Variants in PCMT1 observed in about 807,000 individuals in gnomAD.
The protein encoded by PCMT1 is protein-L-isoaspartate(D-aspartate) O-methyltransferase.
A neutral mutation model predicts 29.2 loss-of-function variants in PCMT1; 9 were observed. The observed-to-expected ratio is 0.31, with a 90% CI of 0.19 to 0.54. The LOEUF is 0.54. Ranked by LOEUF, PCMT1 falls within the 20% of genes least tolerant of loss-of-function variation. The pLI, the probability that PCMT1 is intolerant of heterozygous loss-of-function variation, is 0.95. For missense variants in PCMT1, 184 were observed against 282.2 expected (o/e 0.65, Z 2.49); for synonymous variants, 98 against 97.5 (o/e 1.00, Z -0.03).
At chr6:149,780,067 A>G (rs1337515304) in intron 3 of PCMT1, among the ~76,000 whole-genome samples, 2 of 151,418 alleles carry the variant, frequency 1.3e-5, no homozygotes, top group Non-Finnish European at 1.5e-5. Context: ...GGCTAGGTAC[A>G]GTACCTTGAG....
chr6:149,791,906 G>A (rs1416029313), intron 4 of PCMT1, among the ~76,000 whole-genome samples: 1 of 152,166 alleles, frequency 6.6e-6, no homozygotes, highest in Non-Finnish European at 1.5e-5. Flanking sequence ...TTTACCATGT[G>A]TGAAAGTACT....
chr6:149,789,816 C>G, intron 3 of PCMT1, 138 bp from the exon 4 acceptor site: 1 of 486,492 alleles, frequency 2.1e-6, no homozygotes, highest in South Asian at 4.1e-5. Flanking sequence ...TAAGTAATAC[C>G]TGGGCAGATA....
At chr6:149,758,273 C>T (rs898795983) in intron 1 of PCMT1, among the ~76,000 whole-genome samples, 1 of 144,064 alleles carries the variant, frequency 6.9e-6, no homozygotes, top group African/African-American at 2.6e-5. Context: ...TGCAGTGGCG[C>T]AACCTCAGCT....
intron 3 of PCMT1, among the ~76,000 whole-genome samples, chr6:149,784,381 C>T (rs2115288111): frequency 6.6e-6 from 1 of 152,114 alleles, no homozygotes; most frequent in South Asian, 2.1e-4. Context: ...AGTTCCAGTA[C>T]CATATATACA....
At chr6:149,808,250 A>G (rs1776067160) in intron 7 of PCMT1, among the ~76,000 whole-genome samples, 1 of 152,100 alleles carries the variant, frequency 6.6e-6, no homozygotes, top group African/African-American at 2.4e-5. Flanking sequence ...TATATTTAGC[A>G]TAGTATATAG....
chr6:149,766,132 C>T (rs1466526872), intron 1 of PCMT1, among the ~76,000 whole-genome samples: 1 of 152,050 alleles, frequency 6.6e-6, no homozygotes, highest in Non-Finnish European at 1.5e-5. Context: ...TTTGTCAGAA[C>T]ATGTAACATT....
At chr6:149,786,806 A>C (rs867975242) in intron 3 of PCMT1, among the ~76,000 whole-genome samples, 1 of 117,124 alleles carries the variant, frequency 8.5e-6, no homozygotes, top group African/African-American at 3.4e-5. Flanking sequence ...TGGTGGCCGG[A>C]AAGAGGCGCT....
intron 1 of PCMT1, chr6:149,750,190 G>A (rs1786246879): frequency 1.6e-6 from 1 of 609,750 alleles, no homozygotes; most frequent in Middle Eastern, 4.5e-4. Context: ...GCCGCTGCTG[G>A]TGGGGGCAGG....
rs145629596 is a variant in PCMT1, at chr6:149,808,798, G to A, written c.*38-1818G>A. Among the ~76,000 whole-genome samples the A allele has an allele frequency of 4.2e-3, 641 of 151,694 alleles. 3 individuals are homozygous for A. Among genetic ancestry groups the A allele is most frequent in the African/African-American group, 0.015 (607 of 41,434 alleles). On this transcript the variant is annotated intron_variant, in intron 7 of 7. Transcript: ENST00000464889. ...ATTACAGGTGCATGCCACCACACCC[G>A]GCTAATTATTTGTATTTTTAGTAGA...
At chr6:149,792,144 G>A (rs1396640034) in intron 4 of PCMT1, among the ~76,000 whole-genome samples, 2 of 151,712 alleles carry the variant, frequency 1.3e-5, no homozygotes, top group African/African-American at 2.4e-5. Flanking sequence ...GTGAAACCCC[G>A]TCTCCACTAA....
chr6:149,749,725 G>GGGATGCCGGGAGCGCGCAGTGGC (rs1786214059), upstream of PCMT1: 1 of 1,541,926 alleles, frequency 6.5e-7, no homozygotes, highest in East Asian at 2.5e-5. Flanking sequence ...CGTGCCGCGG[G>GGGATGCCGGGAGCGCGCAGTGGC]GGATGCCGGG....
intron 5 of PCMT1, chr6:149,794,924 G>T: frequency 2.2e-6 from 1 of 453,770 alleles, no homozygotes; most frequent in South Asian, 1.6e-5. Flanking sequence ...GGCTGGATGT[G>T]GTGGCTCATG....
intron 1 of PCMT1, among the ~76,000 whole-genome samples, chr6:149,762,744 TATCTATGATATATATAC>T (rs1786846312): frequency 2.1e-5 from 1 of 48,182 alleles, no homozygotes; most frequent in Non-Finnish European, 2.8e-5. Context: ...GATATATATA[TATCTATGATATATATAC>T]CTATGATATA....
At chr6:149,808,842 T>A (rs1776081995) in intron 7 of PCMT1, among the ~76,000 whole-genome samples, 2 of 151,944 alleles carry the variant, frequency 1.3e-5, no homozygotes, top group South Asian at 4.2e-4. Context: ...TTCACCATGT[T>A]AGCCAGGATG....
chr6:149,800,319 A>T (rs1377312721), intron 6 of PCMT1, among the ~76,000 whole-genome samples: 1 of 152,064 alleles, frequency 6.6e-6, no homozygotes, highest in Non-Finnish European at 1.5e-5. Flanking sequence ...TACAAAAAAA[A>T]TTAGTCGGGC....
At chr6:149,785,612 A>AACGAGC (rs1788001759) in intron 3 of PCMT1, among the ~76,000 whole-genome samples, 1 of 151,502 alleles carries the variant, frequency 6.6e-6, no homozygotes, top group African/African-American at 2.4e-5. Context: ...GATGACTCTT[A>AACGAGC]ACGAGCACGC....
At chr6:149,805,514 A>G (rs1421079500) in intron 7 of PCMT1, among the ~76,000 whole-genome samples, 1 of 151,896 alleles carries the variant, frequency 6.6e-6, no homozygotes. Context: ...GAATGGCGTG[A>G]ACCTGGGAGG....
rs568644391 is a variant in PCMT1 at position 149,792,614 on chromosome 6, G to C, written c.298-935G>C. 2.6e-5 allele frequency among the ~76,000 whole-genome samples: 4 copies of C among 152,092 alleles called. No individual in the cohort carries two copies. In the South Asian group the frequency reaches 8.3e-4, roughly 32 times the overall value. ...TGCAGCCTCTGCCTCCCAGGCTCAA[G>C]TGATCCTCACACCACATCAGCCTCC... is the stretch of plus-strand genomic sequence containing the variant. On this transcript the variant is annotated intron_variant, in intron 4 of 7. Coordinates refer to ENST00000464889, the MANE Select transcript of PCMT1 (RefSeq NM_001360452.2).
chr6:149,788,516 C>T (rs1328388349), intron 3 of PCMT1, among the ~76,000 whole-genome samples: 1 of 152,076 alleles, frequency 6.6e-6, no homozygotes, highest in Admixed American at 6.6e-5. Flanking sequence ...TATAATGTCC[C>T]TCAATTTGGG....
Sources: gnomAD v4.1 joint callset for allele counts (sites outside exome capture counted in the v4.1 genomes callset) on GRCh38, gnomAD v4.1.1 for gene constraint, MANE v1.5 for transcripts, NCBI Gene and HGNC (gene_info 2026-07-23, HGNC 2026-07-21) for gene names.